The following SOX6 variants were observed in gnomAD, a reference collection of about 807,000 sequenced individuals.
The protein encoded by SOX6 is SRY-box transcription factor 6.
In SOX6, 11 loss-of-function variants were observed where a neutral mutation model predicts 97.8. The observed-to-expected ratio is 0.11, with a 90% CI of 0.07 to 0.19. The LOEUF (loss-of-function observed/expected upper bound fraction) is 0.19. SOX6 is among the 10% of genes least tolerant of loss of function. SOX6 has a pLI of 1.00. For synonymous variants in SOX6, 360 were observed against 371.4 expected, an observed-to-expected ratio of 0.97 and a Z score of 0.35; for missense variants, 810 against 1,039.5, an observed-to-expected ratio of 0.78 and a Z score of 3.04.
chr11:15,977,680 A>C (rs1853529131), intron 15 of SOX6, among the ~76,000 whole-genome samples: 1 of 152,112 alleles, frequency 6.6e-6, no homozygotes. Flanking sequence ...TGGCTGGAGA[A>C]AATACACTGC....
At chr11:16,577,698 T>C (rs1847996185) in intron 4 of SOX6, among the ~76,000 whole-genome samples, 1 of 152,196 alleles carries the variant, frequency 6.6e-6, no homozygotes, top group African/African-American at 2.4e-5. Flanking sequence ...CATATATTTT[T>C]TGTGCTTATT....
At chr11:16,499,808 G>A (rs1860670589) in intron 4 of SOX6, among the ~76,000 whole-genome samples, 2 of 152,100 alleles carry the variant, frequency 1.3e-5, no homozygotes, top group African/African-American at 4.8e-5. Flanking sequence ...TGAAATTGAG[G>A]CAATAATTAA....
chr11:16,443,227 C>A (rs1859540399), intron 1 of SOX6, among the ~76,000 whole-genome samples: 2 of 152,128 alleles, frequency 1.3e-5, no homozygotes, highest in African/African-American at 4.8e-5. Context: ...TTTTTTCATT[C>A]ATATCTCAAT....
chr11:15,998,302 TA>T (rs1314345413), intron 13 of SOX6, among the ~76,000 whole-genome samples: 2 of 150,046 alleles, frequency 1.3e-5, no homozygotes, highest in Admixed American at 6.7e-5. Flanking sequence ...AACAAACAAT[TA>T]AAAAATAATA....
intron 1 of SOX6, among the ~76,000 whole-genome samples, chr11:16,379,667 C>A (rs914427007): frequency 6.6e-6 from 1 of 151,996 alleles, no homozygotes; most frequent in Non-Finnish European, 1.5e-5. Flanking sequence ...AACTAGTCAA[C>A]TTTCCTGGGG....
intron 9 of SOX6, among the ~76,000 whole-genome samples, chr11:16,093,503 T>A (rs1848734480): frequency 6.6e-6 from 1 of 152,008 alleles, no homozygotes. Flanking sequence ...TTGTTAAGAT[T>A]TACCCAGGCT....
intron 1 of SOX6, among the ~76,000 whole-genome samples, chr11:16,432,037 C>T (rs139475398): frequency 1.2e-3 from 187 of 152,142 alleles, no homozygotes; most frequent in African/African-American, 4.2e-3. Flanking sequence ...CCTTAGCAAA[C>T]CAATCACCAC....
chr11:16,426,722 G>A (rs895528169), intron 1 of SOX6, among the ~76,000 whole-genome samples: 17 of 151,620 alleles, frequency 1.1e-4, no homozygotes, highest in South Asian at 2.1e-4. Flanking sequence ...AGACCATCCC[G>A]GCTAAAACGG....
chr11:16,328,427 A>T (rs80144152), intron 2 of SOX6, among the ~76,000 whole-genome samples: 8,423 of 152,288 alleles, frequency 0.055, 302 homozygotes, highest in Non-Finnish European at 0.08. Flanking sequence ...ATTACCATGG[A>T]CTGGCAACTC....
At chr11:16,351,485 A>C (rs1189089635) in intron 1 of SOX6, among the ~76,000 whole-genome samples, 1 of 151,754 alleles carries the variant, frequency 6.6e-6, no homozygotes, top group East Asian at 1.9e-4. Context: ...CTTAACTGCT[A>C]CTCCCTTCAT....
At chr11:16,675,045 C>A (rs1847874926) in intron 3 of SOX6, among the ~76,000 whole-genome samples, 1 of 152,112 alleles carries the variant, frequency 6.6e-6, no homozygotes, top group Non-Finnish European at 1.5e-5. Flanking sequence ...GAAGTCTCCA[C>A]AAAAAACTAC....
intron 1 of SOX6, chr11:16,465,780 G>T (rs1167209095): frequency 1.3e-5 from 2 of 152,142 alleles, no homozygotes; most frequent in African/African-American, 4.8e-5. Flanking sequence ...TTTTATTAAT[G>T]AATTCATTCA....
intron 4 of SOX6, among the ~76,000 whole-genome samples, chr11:16,220,789 G>T (rs1057226587): frequency 1.3e-5 from 2 of 151,896 alleles, no homozygotes; most frequent in African/African-American, 4.8e-5. Flanking sequence ...CACTTTTCAG[G>T]TTAGCAAGTT....
chr11:16,613,410 C>T lies in SOX6; in HGVS notation n.430-1150G>A, dbSNP rs1590009404. Among the ~76,000 whole-genome samples, 1 of 152,076 alleles carries T rather than the reference C, an allele frequency of 6.6e-6. No individual in the cohort carries two copies. Among genetic ancestry groups the T allele is most frequent in the African/African-American group, 2.4e-5 (1 of 41,418 alleles). On this transcript the variant is annotated intron_variant and non_coding_transcript_variant, in intron 3 of 5. Coordinates refer to the SOX6 transcript ENST00000524520. This position sits in a 1 kb window ranked among gnomAD's most constrained non-coding sequence, Gnocchi z 4.6. ...TAAAACGAGATTAGCAAATCTTCTACCGCTGGCGGCGGCAACCAGAGCCTC... is the reference window on the plus strand; with the variant it reads ...TAAAACGAGATTAGCAAATCTTCTATCGCTGGCGGCGGCAACCAGAGCCTC...
rs184215639 is a variant in SOX6, at chr11:16,026,358, G to T, written c.1624-11308C>A. ...CACCCTTAGCCAAAAAGCATCTGTT[G>T]GCTACTTCTGAAGTTCCGTGGCCAC... On this transcript the variant is annotated intron_variant, in intron 12 of 15. Transcript: ENST00000683767. Among the ~76,000 whole-genome samples, 240 of 152,176 alleles carry T rather than the reference G, an allele frequency of 1.6e-3. 1 individual carries two copies. The highest frequency in any genetic ancestry group is 2.9e-5 in the Non-Finnish European group (2 of 68,002).
chr11:16,095,954 C>A, intron 9 of SOX6, 42 bp downstream of exon 9: 1 of 1,582,194 alleles, frequency 6.3e-7, no homozygotes, highest in South Asian at 1.1e-5. Flanking sequence ...ACTGAACAAT[C>A]CAGTCCCCAA....
intron 1 of SOX6, among the ~76,000 whole-genome samples, chr11:16,410,358 T>A (rs1413802886): frequency 6.6e-6 from 1 of 152,068 alleles, no homozygotes; most frequent in African/African-American, 2.4e-5. Context: ...CATGACAGGC[T>A]CTTTGTGGTG....
intron 4 of SOX6, among the ~76,000 whole-genome samples, chr11:16,509,223 T>C (rs922442814): frequency 1.3e-5 from 2 of 151,916 alleles, no homozygotes; most frequent in African/African-American, 4.8e-5. Flanking sequence ...TTCAATTAAA[T>C]AAATTTATTT....
intron 3 of SOX6, among the ~76,000 whole-genome samples, chr11:16,635,233 T>C (rs763959877): frequency 7.2e-5 from 11 of 152,098 alleles, no homozygotes; most frequent in Non-Finnish European, 1.3e-4. Context: ...CAGAAGAAGA[T>C]AGGAAAATGT....
Sources: allele counts gnomAD v4.1 joint callset (sites outside exome capture counted in the v4.1 genomes callset), GRCh38; gene constraint gnomAD v4.1.1; non-coding constraint Gnocchi (gnomAD v3.1); transcripts MANE v1.5; gene names NCBI Gene and HGNC (gene_info 2026-07-23, HGNC 2026-07-21).